Variants in CCDC187 observed in about 807,000 individuals in gnomAD.
CCDC187 encodes the protein coiled-coil domain-containing protein 187.
A neutral mutation model predicts 38.0 loss-of-function variants in CCDC187; 32 were observed. That is an observed-to-expected ratio of 0.84 (90% CI 0.64 to 1.13). The LOEUF (loss-of-function observed/expected upper bound fraction) is 1.13, where lower values mean the gene tolerates loss of function less well. CCDC187 is among the 50% of genes most tolerant of loss of function. CCDC187 has a pLI of 0.00. For missense variants in CCDC187, 707 were observed against 786.8 expected, an observed-to-expected ratio of 0.90 and a Z score of 1.21; for synonymous variants, 333 against 347.9, an observed-to-expected ratio of 0.96 and a Z score of 0.48.
intron 25 of CCDC187, 26 bp downstream of exon 25, chr9:136,255,631 G>A (rs1349699697): frequency 2.1e-6 from 2 of 973,870 alleles, no homozygotes; most frequent in African/African-American, 3.5e-5. Flanking sequence ...GATGGCTGAA[G>A]GAGGGGCTGG....
At chr9:136,304,469 G>A (rs1831767160), upstream of CCDC187, among the ~76,000 whole-genome samples, 2 of 152,188 alleles carry the variant, frequency 1.3e-5, no homozygotes, top group Admixed American at 1.3e-4. Flanking sequence ...CTGGCTTCTG[G>A]GCTCACCCTG....
chr9:136,281,268 G>A, intron 10 of CCDC187: 1 of 397,664 alleles, frequency 2.5e-6, no homozygotes, highest in Non-Finnish European at 4.4e-6. Context: ...GCCCTAGGAG[G>A]TGGGCTGGGC....
At position 136,290,560 on chromosome 9, in the gene CCDC187, C is replaced by T. The variant is rs1056054215; in HGVS notation, c.2053G>A (p.Gly685Ser). The T allele has an allele frequency of 6.8e-5, 27 of 399,048 alleles. No homozygotes were observed. Among genetic ancestry groups the T allele is most frequent in the Admixed American group, 2.2e-4 (5 of 22,750 alleles). The allele number at this position is 399,048 out of a possible 1,614,324, so 24.7% of individuals were successfully genotyped here. A position where few individuals can be genotyped will look rare whatever the true frequency, so the allele number is the denominator to read the frequency against. The change falls in exon 6 of 26, where the codon GGC becomes AGC. Residue 685 changes from glycine to serine, a missense_variant. Coordinates refer to ENST00000638797, the MANE Select transcript of CCDC187 (RefSeq NM_001378188.1). ...VYRQQREAVL[G>S]RAVPVVSRTT... ...CGGGAGACCACGGGGACCGCCCTGC[C>T]GAGGACGGCCTCCCTCTGCTGCCGG... is the stretch of plus-strand genomic sequence containing the variant.
At chr9:136,301,970 G>A (rs1339289994) in intron 2 of CCDC187, among the ~76,000 whole-genome samples, 2 of 152,160 alleles carry the variant, frequency 1.3e-5, no homozygotes, top group East Asian at 3.9e-4. Flanking sequence ...CCAGCACTTT[G>A]GGAGGCCGAG....
At chr9:136,272,563 C>T (rs1247353713) in intron 14 of CCDC187, among the ~76,000 whole-genome samples, 4 of 152,016 alleles carry the variant, frequency 2.6e-5, no homozygotes, top group South Asian at 4.2e-4. Context: ...ATTAGCTGGG[C>T]GTGGTGGTGC....
chr9:136,304,725 C>T (rs1831772030), upstream of CCDC187, among the ~76,000 whole-genome samples: 1 of 152,214 alleles, frequency 6.6e-6, no homozygotes, highest in Non-Finnish European at 1.5e-5. Flanking sequence ...GGGGACCACC[C>T]CCTCCCCCAA....
At chr9:136,267,234 T>C (rs1830760030) in intron 16 of CCDC187, 150 bp downstream of exon 16, 3 of 317,378 alleles carry the variant, frequency 9.5e-6, no homozygotes, top group Non-Finnish European at 1.4e-5. Context: ...CTATTACTGT[T>C]TGGACCAGTA....
At chr9:136,302,135 G>A (rs1049451416) in intron 2 of CCDC187, among the ~76,000 whole-genome samples, 17 of 151,958 alleles carry the variant, frequency 1.1e-4, no homozygotes, top group Non-Finnish European at 4.4e-5. Flanking sequence ...GCTTGAACCC[G>A]CAATGAGATT....
intron 16 of CCDC187, 80 bp downstream of exon 16, chr9:136,267,304 G>A (rs1357632634): frequency 3.0e-4 from 269 of 910,760 alleles, no homozygotes; most frequent in Non-Finnish European, 3.4e-4. Flanking sequence ...GGCAGGGAGG[G>A]GGCGGGGCTA....
Position 136,253,920 on chromosome 9 carries a change from T to C in CCDC187, c.5908A>G (p.Thr1970Ala). The C allele has an allele frequency of 1.1e-6, 1 of 887,052 alleles. No homozygotes were observed. Among genetic ancestry groups the C allele is most frequent in the Non-Finnish European group, 1.4e-6 (1 of 740,094 alleles). 54.9% of individuals were successfully genotyped at this position (887,052 alleles called of 1,614,324 possible). Reference protein sequence around the residue: ...APGPGGNGAPTVLEEACPLLA... With the variant: ...APGPGGNGAPAVLEEACPLLA... ...AGGGGACAGGCTTCCTCCAGGACAG[T>C]GGGGGCCCCATTCCCACCAGGCCCA... The change falls in exon 26 of 26, where the codon ACT becomes GCT. Residue 1970 changes from threonine (T) to alanine (A), a missense_variant. Thr to Ala is a moderately conservative substitution (Grantham distance 58). Transcript: ENST00000638797.
rs975383218 is a variant in CCDC187, at chr9:136,275,475, C to T, written c.3226-468G>A. Among the ~76,000 whole-genome samples the T allele has an allele frequency of 2.9e-3, 446 of 151,758 alleles. 1 individual carries two copies. Among genetic ancestry groups the T allele is most frequent in the African/African-American group, 9.9e-3 (410 of 41,482 alleles). ...ACACACGTGCACACACACCCACACG[C>T]GTGCACACACCCACACGTGTGCACG... is the stretch of plus-strand genomic sequence containing the variant. On this transcript the variant is annotated intron_variant, in intron 12 of 25. Coordinates refer to ENST00000638797, the MANE Select transcript of CCDC187 (RefSeq NM_001378188.1).
intron 17 of CCDC187, among the ~76,000 whole-genome samples, chr9:136,265,149 G>A (rs1830729190): frequency 6.6e-6 from 1 of 152,234 alleles, no homozygotes; most frequent in Non-Finnish European, 1.5e-5. Context: ...CGACCTGTGA[G>A]GAGCCCTTGA....
At chr9:136,278,933 G>T (rs1247976043) in intron 10 of CCDC187, among the ~76,000 whole-genome samples, 1 of 152,270 alleles carries the variant, frequency 6.6e-6, no homozygotes, top group Non-Finnish European at 1.5e-5. Flanking sequence ...ATTGCAGAAG[G>T]TTCTGGTGGA....
intron 18 of CCDC187, among the ~76,000 whole-genome samples, chr9:136,263,318 C>G (rs374917237): frequency 1.3e-5 from 2 of 150,714 alleles, no homozygotes; most frequent in Non-Finnish European, 3.0e-5. Context: ...ACTGCAGACT[C>G]CGCCCCCCGG....
chr9:136,254,827 C>T lies in CCDC187; in HGVS notation c.5001G>A (p.Glu1667=). The part of the protein sequence containing the change: ...SPDEGFSWPG[E]LSARHSSGEA... ...CCCCCGAGGAGTGTCGGGCAGAGAG[C>T]TCTCCAGGCCAGCTGAAACCTTCGT... is the stretch of plus-strand genomic sequence containing the variant. The change falls in exon 26 of 26, where the codon GAG becomes GAA. Residue 1667 remains glutamate (E), a synonymous_variant. Coordinates refer to ENST00000638797, the MANE Select transcript of CCDC187 (RefSeq NM_001378188.1). 1.0e-6 allele frequency: 1 copy of T among 985,446 alleles called. No homozygotes were observed. Among genetic ancestry groups the T allele is most frequent in the Non-Finnish European group, 1.2e-6 (1 of 829,948 alleles). 61.0% of individuals were successfully genotyped at this position (985,446 alleles called of 1,614,324 possible). A position where few individuals can be genotyped will look rare whatever the true frequency, so the allele number is the denominator to read the frequency against.
rs949944833 is a variant in CCDC187 at position 136,285,587 on chromosome 9, G to C, written c.2853C>G (p.His951Gln). Reference protein sequence around the residue: ...SKPRGFPEEGHVDVKPDKRLQ... With the variant: ...SKPRGFPEEGQVDVKPDKRLQ... ...GCCTTTTGTCTGGTTTCACGTCCAC[G>C]TGTCCCTCCTCTGGAAAACCTTGGA... Residue 951 changes from histidine (H) to glutamine (Q), a missense_variant, in exon 9 of 26, where the codon CAC (histidine) becomes CAG (glutamine). His to Gln is a conservative substitution (Grantham distance 24, BLOSUM62 0). Transcript: ENST00000638797. The C allele has an allele frequency of 7.5e-6, 3 of 400,318 alleles. No individual in the cohort carries two copies. The highest frequency in any genetic ancestry group is 8.8e-6 in the Non-Finnish European group (2 of 226,964). The allele number at this position is 400,318 out of a possible 1,614,324, so 24.8% of individuals were successfully genotyped here. A position where few individuals can be genotyped will look rare whatever the true frequency, so the allele number is the denominator to read the frequency against.
intron 10 of CCDC187, among the ~76,000 whole-genome samples, chr9:136,279,656 G>A (rs1831001556): frequency 6.6e-6 from 1 of 152,222 alleles, no homozygotes; most frequent in Admixed American, 6.5e-5. Context: ...TGGGAGAACG[G>A]AGCCCCATCC....
chr9:136,279,993 T>C (rs1011713651), intron 10 of CCDC187, among the ~76,000 whole-genome samples: 6 of 152,362 alleles, frequency 3.9e-5, no homozygotes, highest in Non-Finnish European at 8.8e-5. Flanking sequence ...CGGCATCTTG[T>C]TCTTGGACTT....
At position 136,253,679 on chromosome 9, in the gene CCDC187, G is replaced by T; in HGVS notation, c.6149C>A (p.Thr2050Asn). 1 of 985,536 alleles carries T rather than the reference G, an allele frequency of 1.0e-6. No individual in the cohort carries two copies. Among genetic ancestry groups the T allele is most frequent in the Non-Finnish European group, 1.2e-6 (1 of 829,974 alleles). 61.0% of individuals were successfully genotyped at this position (985,536 alleles called of 1,614,324 possible). A position where few individuals can be genotyped will look rare whatever the true frequency, so the allele number is the denominator to read the frequency against. The change falls in exon 26 of 26, where the codon ACC (threonine) becomes AAC (asparagine). Residue 2050 changes from threonine to asparagine, a missense_variant. By Grantham distance (65) the Thr-to-Asn change is moderately conservative. Coordinates refer to ENST00000638797, the MANE Select transcript of CCDC187 (RefSeq NM_001378188.1). ...SGPLEEDTAI[T>N]TQDLSSLSEE... is the part of the protein sequence containing the mutation. ...AGACAAGGAGGACAAATCCTGGGTG[G>T]TGATGGCGGTGTCCTCCTCAAGGGG...
Sources: gnomAD v4.1 joint callset for allele counts (sites outside exome capture counted in the v4.1 genomes callset) on GRCh38, gnomAD v4.1.1 for gene constraint, MANE v1.5 for transcripts, NCBI Gene and HGNC (gene_info 2026-07-23, HGNC 2026-07-21) for gene names.